HNF4G: variants seen among roughly 807,000 people sequenced by gnomAD.
HNF4G encodes hepatocyte nuclear factor 4-gamma.
Under a neutral mutation model 50.9 loss-of-function variants are expected in HNF4G, and 21 were observed. The ratio of observed to expected loss-of-function variants is 0.41; its 90% CI spans 0.29 to 0.59. The LOEUF (loss-of-function observed/expected upper bound fraction) is 0.59, where lower values mean the gene tolerates loss of function less well. HNF4G is among the 20% of genes least tolerant of loss of function. The pLI, the probability that HNF4G is intolerant of heterozygous loss-of-function variation, is 0.26. For synonymous variants in HNF4G, 198 were observed against 185.6 expected, an observed-to-expected ratio of 1.07 and a Z score of -0.54; for missense variants, 527 against 559.4, an observed-to-expected ratio of 0.94 and a Z score of 0.58.
chr8:75,562,217 C>G (rs574364264), intron 9 of HNF4G, among the ~76,000 whole-genome samples: 1 of 151,920 alleles, frequency 6.6e-6, no homozygotes, highest in African/African-American at 2.4e-5. Flanking sequence ...TGGTAGGGAA[C>G]GTAGAAGCCA....
intron 2 of HNF4G, among the ~76,000 whole-genome samples, chr8:75,533,718 C>A (rs1039974924): frequency 6.6e-6 from 1 of 151,712 alleles, no homozygotes; most frequent in African/African-American, 2.4e-5. Context: ...TCAGTTGAGC[C>A]AGTTATACAC....
At chr8:75,523,166 A>T (rs1436301472) in intron 2 of HNF4G, among the ~76,000 whole-genome samples, 1 of 152,092 alleles carries the variant, frequency 6.6e-6, no homozygotes, top group Admixed American at 6.6e-5. Context: ...TGGAGGTTGC[A>T]GTGAGCCGAG....
chr8:75,463,476 C>A (rs1811898817), intron 1 of HNF4G, among the ~76,000 whole-genome samples: 1 of 152,162 alleles, frequency 6.6e-6, no homozygotes, highest in African/African-American at 2.4e-5. Flanking sequence ...AGGCTAGGAT[C>A]TGGCCAATTT....
rs529960911 is a variant in HNF4G at position 75,468,687 on chromosome 8, C to G, written c.-143-21402C>G. ...CCAGCCTGGGTGACAGAGCGAGACT[C>G]CATCTCAAAAAAAAAAAATTATATG... is the stretch of plus-strand genomic sequence containing the variant. On this transcript the variant is annotated intron_variant, in intron 1 of 10. Transcript: ENST00000354370. 6.6e-5 allele frequency among the ~76,000 whole-genome samples: 10 copies of G among 150,736 alleles called. No individual in the cohort carries two copies. In the South Asian group the frequency reaches 1.9e-3, roughly 28 times the overall value.
upstream of HNF4G, among the ~76,000 whole-genome samples, chr8:75,535,579 T>A (rs1354898306): frequency 1.3e-5 from 2 of 151,858 alleles, no homozygotes. Context: ...GAACTATAGA[T>A]GTGCTTTGGA....
At chr8:75,461,772 T>TATG (rs1343396543) in intron 1 of HNF4G, among the ~76,000 whole-genome samples, 3 of 151,760 alleles carry the variant, frequency 2.0e-5, no homozygotes, top group Admixed American at 2.0e-4. Flanking sequence ...AAGTTTAATT[T>TATG]ATAAATTAGG....
chr8:75,540,700 A>G (rs1806592802), intron 1 of HNF4G, among the ~76,000 whole-genome samples: 1 of 152,070 alleles, frequency 6.6e-6, no homozygotes, highest in African/African-American at 2.4e-5. Context: ...ATAAGACATG[A>G]GTTTTTTAGG....
chr8:75,439,516 C>A (rs1006144044), intron 1 of HNF4G, among the ~76,000 whole-genome samples: 2 of 151,904 alleles, frequency 1.3e-5, no homozygotes, highest in African/African-American at 2.4e-5. Context: ...TTCTGACTTT[C>A]ATTTTTGTTT....
At chr8:75,443,295 C>T (rs1281511976) in intron 1 of HNF4G, among the ~76,000 whole-genome samples, 2 of 152,046 alleles carry the variant, frequency 1.3e-5, no homozygotes, top group African/African-American at 4.8e-5. Context: ...GTTATACCAG[C>T]CTGAAGGAAC....
chr8:75,443,482 G>A, intron 1 of HNF4G, among the ~76,000 whole-genome samples: 1 of 152,066 alleles, frequency 6.6e-6, no homozygotes, highest in East Asian at 1.9e-4. Flanking sequence ...ATTTATTTTA[G>A]CCTCATAATG....
At chr8:75,559,128 T>C in intron 8 of HNF4G, 91 bp downstream of exon 8, 1 of 855,980 alleles carries the variant, frequency 1.2e-6, no homozygotes, top group Non-Finnish European at 1.9e-6. Context: ...ATTTAATTCA[T>C]CTACTGAAGT....
At chr8:75,448,356 C>G (rs1811478828) in intron 1 of HNF4G, among the ~76,000 whole-genome samples, 2 of 146,210 alleles carry the variant, frequency 1.4e-5, no homozygotes, top group South Asian at 2.2e-4. Context: ...GTGCAGCGCA[C>G]CAGCATGGCA....
At chr8:75,539,823 G>GC, upstream of HNF4G, 1 of 571,062 alleles carries the variant, frequency 1.8e-6, no homozygotes, top group Non-Finnish European at 3.2e-6. Flanking sequence ...CAGTTTTACA[G>GC]CCCCTCCCAT....
At chr8:75,457,482 G>A (rs958999376) in intron 1 of HNF4G, among the ~76,000 whole-genome samples, 9 of 152,126 alleles carry the variant, frequency 5.9e-5, no homozygotes, top group Admixed American at 6.6e-5. Context: ...TAAACTGAAC[G>A]TGTCCAGGAT....
At chr8:75,439,934 G>T (rs1384793707) in intron 1 of HNF4G, among the ~76,000 whole-genome samples, 1 of 151,718 alleles carries the variant, frequency 6.6e-6, no homozygotes, top group Non-Finnish European at 1.5e-5. Context: ...TGTCATGAAA[G>T]CTCCTTAAAT....
At chr8:75,508,775 T>G (rs1488822117) in intron 2 of HNF4G, among the ~76,000 whole-genome samples, 1 of 151,714 alleles carries the variant, frequency 6.6e-6, no homozygotes, top group Non-Finnish European at 1.5e-5. Flanking sequence ...ATATTGAAGG[T>G]TAGAGGGGAA....
intron 3 of HNF4G, among the ~76,000 whole-genome samples, chr8:75,547,901 T>A (rs1189742315): frequency 6.6e-6 from 1 of 152,126 alleles, no homozygotes; most frequent in Non-Finnish European, 1.5e-5. Context: ...ATTATGGATA[T>A]CATTCTCTCC....
At chr8:75,517,642 T>G (rs1805927490) in intron 2 of HNF4G, among the ~76,000 whole-genome samples, 1 of 152,182 alleles carries the variant, frequency 6.6e-6, no homozygotes, top group African/African-American at 2.4e-5. Flanking sequence ...AGAGGTGGGT[T>G]TCCCATGGCC....
At chr8:75,544,828 A>G (rs755821661) in intron 2 of HNF4G, among the ~76,000 whole-genome samples, 6 of 152,128 alleles carry the variant, frequency 3.9e-5, no homozygotes, top group Non-Finnish European at 7.4e-5. Flanking sequence ...CTGTCAATAA[A>G]AGGTACGTGT....
Sources: gnomAD v4.1 joint callset for allele counts (sites outside exome capture counted in the v4.1 genomes callset) on GRCh38, gnomAD v4.1.1 for gene constraint, MANE v1.5 for transcripts, NCBI Gene and HGNC (gene_info 2026-07-23, HGNC 2026-07-21) for gene names.